Variants in MSN observed in about 807,000 individuals in gnomAD.
The protein encoded by MSN is epididymis luminal protein 70.
Under a neutral mutation model 48.0 loss-of-function variants are expected in MSN, and 2 were observed. That is an observed-to-expected ratio of 0.04 (90% CI 0.02 to 0.13). The LOEUF is 0.13. Ranked by LOEUF, MSN falls within the 10% of genes least tolerant of loss-of-function variation. The probability of loss-of-function intolerance (pLI) is 1.00; values close to 1 mark genes in which losing one functional copy is unlikely to be tolerated. For missense variants in MSN, 267 were observed against 470.1 expected (o/e 0.57, Z 3.99); for synonymous variants, 146 against 166.9 (o/e 0.87, Z 0.97).
rs139513897 is a variant in MSN at position 65,734,522 on chromosome X, G to A, written c.796-745G>A. Among the ~76,000 whole-genome samples the A allele has an allele frequency of 8.1e-3, 906 of 112,046 alleles. 13 individuals are homozygous for A. The highest frequency in any genetic ancestry group is 0.028 in the African/African-American group (850 of 30,840). The stretch of plus-strand genomic sequence containing the variant: ...AAGCTATATGAGACAGTAGCAGTGT[G>A]TGGTCAGTGGCAGAGGAGATGGTGG... On this transcript the variant is annotated intron_variant, in intron 7 of 12. Transcript: ENST00000360270.
At chrX:65,636,733 G>A (rs1204783400) in intron 1 of MSN, among the ~76,000 whole-genome samples, 12 of 47,633 alleles carry the variant, frequency 2.5e-4, no homozygotes, top group African/African-American at 1.1e-3. Context: ...GGCAACAAGA[G>A]CAAAACTCCA....
At chrX:65,739,234 T>C (rs1180090600) in intron 12 of MSN, 40 bp downstream of exon 12, 3 of 1,119,926 alleles carry the variant, frequency 2.7e-6, no homozygotes, top group Non-Finnish European at 3.6e-6. Context: ...ACTATATGCA[T>C]TGATTTAGTA....
intron 1 of MSN, 112 bp downstream of exon 1, chrX:65,667,965 C>T: frequency 2.3e-6 from 2 of 888,555 alleles, no homozygotes; most frequent in South Asian, 4.6e-5. Context: ...GACGCCGCGC[C>T]CTCCGCCATA....
intron 1 of MSN, among the ~76,000 whole-genome samples, chrX:65,636,769 A>AAG (rs2070604563): frequency 2.9e-5 from 3 of 102,090 alleles, no homozygotes; most frequent in Admixed American, 1.1e-4. Flanking sequence ...AAAAAAAAAA[A>AAG]AAAAACCAGA....
intron 1 of MSN, among the ~76,000 whole-genome samples, chrX:65,617,383 C>A (rs1419399377): frequency 3.7e-5 from 4 of 108,502 alleles, no homozygotes; most frequent in Non-Finnish European, 7.6e-5. Context: ...ACAATTTCAG[C>A]TCCTGTTATT....
chrX:65,690,171 TC>T (rs1393169433), intron 1 of MSN, among the ~76,000 whole-genome samples: 1 of 111,859 alleles, frequency 8.9e-6, no homozygotes, highest in African/African-American at 3.3e-5. Context: ...CACAGGGAAT[TC>T]TAACATTGGG....
chrX:65,699,576 C>A (rs951821793), intron 1 of MSN, among the ~76,000 whole-genome samples: 1 of 108,805 alleles, frequency 9.2e-6, no homozygotes. Flanking sequence ...AGTGAAACAC[C>A]GTCTCTACTA....
At chrX:65,668,721 G>C (rs1045670312) in intron 1 of MSN, among the ~76,000 whole-genome samples, 2 of 111,679 alleles carry the variant, frequency 1.8e-5, no homozygotes, top group Non-Finnish European at 3.8e-5. Context: ...GCCCAGGAGG[G>C]AGAGGGGAGG....
chrX:65,613,829 C>T (rs1223444432), intron 1 of MSN, among the ~76,000 whole-genome samples: 1 of 112,011 alleles, frequency 8.9e-6, no homozygotes, highest in Admixed American at 9.5e-5. Context: ...GTTGCCTGTT[C>T]ACTCTGATGA....
intron 6 of MSN, among the ~76,000 whole-genome samples, chrX:65,732,221 G>A (rs2147514072): frequency 8.9e-6 from 1 of 112,038 alleles, no homozygotes; most frequent in African/African-American, 3.2e-5. Context: ...CACTTGAAAT[G>A]TGGCTACTTT....
At chrX:65,731,333 C>T (rs1028116799) in intron 5 of MSN, 143 bp downstream of exon 5, 2 of 499,445 alleles carry the variant, frequency 4.0e-6, no homozygotes, top group African/African-American at 2.4e-5. Flanking sequence ...CAAACTAGGA[C>T]CATTATAAGG....
intron 1 of MSN, among the ~76,000 whole-genome samples, chrX:65,616,278 T>A (rs1387557009): frequency 9.6e-6 from 1 of 103,825 alleles, no homozygotes; most frequent in Non-Finnish European, 2.0e-5. Context: ...TGGCATTGAA[T>A]CTGTAAATTA....
At chrX:65,725,888 CAAT>C (rs1285806771) in intron 2 of MSN, among the ~76,000 whole-genome samples, 4 of 112,070 alleles carry the variant, frequency 3.6e-5, no homozygotes, top group Non-Finnish European at 5.6e-5. Context: ...GTAATTAGTA[CAAT>C]GATAGAACTT....
intron 1 of MSN, among the ~76,000 whole-genome samples, chrX:65,692,943 T>C (rs188625619): frequency 1.1e-3 from 118 of 112,101 alleles, no homozygotes; most frequent in African/African-American, 3.7e-3. Flanking sequence ...GCCAGCGTTG[T>C]TTTTTTAAAA....
intron 1 of MSN, among the ~76,000 whole-genome samples, chrX:65,636,480 T>C (rs1313186826): frequency 1.8e-5 from 2 of 110,749 alleles, no homozygotes; most frequent in Non-Finnish European, 3.8e-5. Flanking sequence ...CTCATGCCTA[T>C]AATCCCAGCA....
At chrX:65,721,198 G>A (rs2071513523) in intron 2 of MSN, among the ~76,000 whole-genome samples, 2 of 111,969 alleles carry the variant, frequency 1.8e-5, no homozygotes, top group Admixed American at 9.4e-5. Flanking sequence ...AGAAATAAAC[G>A]CCCTTGAGGT....
At chrX:65,614,947 A>T (rs2070355229) in intron 1 of MSN, among the ~76,000 whole-genome samples, 1 of 89,300 alleles carries the variant, frequency 1.1e-5, no homozygotes, top group Non-Finnish European at 2.1e-5. Flanking sequence ...GAGTGAGAAT[A>T]TGCGGTGTTT....
intron 1 of MSN, among the ~76,000 whole-genome samples, chrX:65,621,669 C>A (rs1043448745): frequency 9.0e-6 from 1 of 111,326 alleles, no homozygotes; most frequent in Admixed American, 9.6e-5. Context: ...AAGAAAAAAA[C>A]CTGTTGGAAT....
chrX:65,700,804 A>C (rs1050668474), intron 1 of MSN, among the ~76,000 whole-genome samples: 1 of 111,925 alleles, frequency 8.9e-6, no homozygotes, highest in African/African-American at 3.3e-5. Flanking sequence ...ACTCTTCGGC[A>C]AATCCATGAT....
Sources: gnomAD v4.1 joint callset for allele counts (sites outside exome capture counted in the v4.1 genomes callset) on GRCh38, gnomAD v4.1.1 for gene constraint, MANE v1.5 for transcripts, NCBI Gene and HGNC (gene_info 2026-07-23, HGNC 2026-07-21) for gene names.